Variants in LOXHD1 observed in about 807,000 individuals in gnomAD.
LOXHD1 encodes the protein lipoxygenase homology PLAT domains 1, also known as lipoxygenase homology domain-containing protein 1.
LOXHD1 carries 205 observed loss-of-function variants against 248.2 expected under a neutral mutation model. That is an observed-to-expected ratio of 0.83 (90% CI 0.74 to 0.93). LOXHD1 has a LOEUF of 0.93. Among genes scored for constraint, LOXHD1 ranks in the 40% least tolerant of loss-of-function variants. The pLI, the probability that LOXHD1 is intolerant of heterozygous loss-of-function variation, is 0.00. For synonymous variants in LOXHD1, 1,113 were observed against 1,162.8 expected (o/e 0.96, Z 0.87); for missense variants, 2,930 against 2,971.6 (o/e 0.99, Z 0.33).
At chr18:46,478,072 T>G in intron 40 of LOXHD1, 120 bp from the exon 41 acceptor site, 1 of 1,325,236 alleles carries the variant, frequency 7.5e-7, no homozygotes, top group Non-Finnish European at 1.0e-6. Context: ...GATGGGATAT[T>G]GGAGCTGGAA....
rs1368142754 is a variant in LOXHD1, at chr18:46,489,927, T to C, written c.5879-785A>G. Among the ~76,000 whole-genome samples, 3 of 152,364 alleles carry C rather than the reference T, an allele frequency of 2.0e-5. No homozygotes were observed. In the East Asian group the frequency reaches 5.8e-4, roughly 29 times the overall value. ...AATCATAGAAGAAATCCAAAGCTGC[T>C]ATTTCTTTTGGGTATGTTGCTAATA... On this transcript the variant is annotated intron_variant, in intron 37 of 40. Transcript: ENST00000642948.
chr18:46,653,497 A>G (rs371246179), intron 1 of LOXHD1, among the ~76,000 whole-genome samples: 19 of 152,374 alleles, frequency 1.2e-4, no homozygotes, highest in Non-Finnish European at 1.5e-4. Flanking sequence ...CTGAAGAACT[A>G]TCTTGTAGAA....
intron 6 of LOXHD1, among the ~76,000 whole-genome samples, chr18:46,609,283 A>G (rs1299137533): frequency 6.6e-6 from 1 of 152,204 alleles, no homozygotes; most frequent in Non-Finnish European, 1.5e-5. Context: ...ACCAGCCCTG[A>G]GCTGACCACA....
intron 20 of LOXHD1, chr18:46,559,241 T>A: frequency 6.6e-7 from 1 of 1,510,858 alleles, no homozygotes; most frequent in South Asian, 1.2e-5. Context: ...CCATGGGCTC[T>A]AGGTGCTGGG....
At chr18:46,605,395 C>T (rs915994043) in intron 6 of LOXHD1, among the ~76,000 whole-genome samples, 22 of 135,632 alleles carry the variant, frequency 1.6e-4, no homozygotes, top group Non-Finnish European at 2.7e-4. Flanking sequence ...GGCGTGGTGG[C>T]GGGCACCTAT....
At position 46,557,535 on chromosome 18, in the gene LOXHD1, C is replaced by T. The variant is rs775114940; in HGVS notation, c.3217-46G>A. ...CTCAGTGGGGTAAGACCTACCCCTC[C>T]CCACATGGCCATCAGCCCCATCCTC... On this transcript the variant is annotated intron_variant, in intron 20 of 40. Coordinates refer to ENST00000642948, the MANE Select transcript of LOXHD1 (RefSeq NM_001384474.1). 55 of 1,549,080 alleles carry T rather than the reference C, an allele frequency of 3.6e-5. No homozygotes were observed. The Middle Eastern group carries it at 1.0e-3, about 29-fold the overall frequency.
chr18:46,538,905 C>A (rs1568157428), intron 25 of LOXHD1, among the ~76,000 whole-genome samples: 1 of 152,198 alleles, frequency 6.6e-6, no homozygotes, highest in Non-Finnish European at 1.5e-5. Flanking sequence ...CCAACCCATC[C>A]ACCTCACACC....
intron 37 of LOXHD1, among the ~76,000 whole-genome samples, chr18:46,499,101 T>C (rs2034061361): frequency 6.6e-6 from 1 of 152,204 alleles, no homozygotes; most frequent in Non-Finnish European, 1.5e-5. Context: ...GGCATATAAA[T>C]GTGAATCAAA....
At position 46,566,348 on chromosome 18, in the gene LOXHD1, G is replaced by A. The variant is rs547033802; in HGVS notation, c.2346C>T (p.Thr782=). ...IRVPRQGKQY[T]FPANRWLDKN... Reference sequence around the variant, plus strand: ...TGTCCAGCCAGCGGTTGGCGGGAAAGGTGTACTGCTTGCCTTGACGGGGCA... The same window carrying A: ...TGTCCAGCCAGCGGTTGGCGGGAAAAGTGTACTGCTTGCCTTGACGGGGCA... Residue 782 remains threonine, a synonymous_variant, in exon 17 of 41, where the codon ACC becomes ACT. Transcript: ENST00000642948. The A allele has an allele frequency of 1.0e-5, 16 of 1,551,832 alleles. No homozygotes were observed. The highest frequency in any genetic ancestry group is 1.3e-5 in the Non-Finnish European group (15 of 1,147,030).
intron 2 of LOXHD1, among the ~76,000 whole-genome samples, chr18:46,643,291 A>C (rs971931736): frequency 6.6e-6 from 1 of 152,220 alleles, no homozygotes; most frequent in South Asian, 2.1e-4. Flanking sequence ...GCTGGAGTGA[A>C]AGGGGTGACA....
At chr18:46,569,771 G>T (rs1280730375) in intron 15 of LOXHD1, 133 bp from the exon 16 acceptor site, 77 of 705,460 alleles carry the variant, frequency 1.1e-4, no homozygotes, top group Non-Finnish European at 2.5e-5. Flanking sequence ...TGAAAATCCA[G>T]GCTCCTGTTC....
Position 46,572,177 on chromosome 18 carries a change from G to A in LOXHD1, c.1971-15C>T. On this transcript the variant is annotated splice_polypyrimidine_tract_variant and intron_variant, in intron 14 of 40. Transcript: ENST00000642948. ...TGTCCAACCACCTGGTGGGCAAATG[G>A]GGGAATGTTAGCTCTTTGGGTGGAG... The A allele has an allele frequency of 3.2e-6, 5 of 1,551,278 alleles. No homozygotes were observed. The highest frequency in any genetic ancestry group is 4.4e-6 in the Non-Finnish European group (5 of 1,146,542).
chr18:46,549,942 G>A (rs946589315), intron 21 of LOXHD1, among the ~76,000 whole-genome samples: 2 of 152,114 alleles, frequency 1.3e-5, no homozygotes, highest in Non-Finnish European at 2.9e-5. Flanking sequence ...TTTGGCATTT[G>A]CCTCTTTGTC....
In LOXHD1 at chr18:46,549,079, G is replaced by A. The variant is rs561803421; in HGVS notation, c.3351-2021C>T. ...CACACATGAAGATTTAGGACACCAGGCCTACTGACCCCTGCCTCTTCCTCC... is the reference window on the plus strand; with the variant it reads ...CACACATGAAGATTTAGGACACCAGACCTACTGACCCCTGCCTCTTCCTCC... On this transcript the variant is annotated intron_variant, in intron 21 of 40. Transcript: ENST00000642948. Among the ~76,000 whole-genome samples, 6 of 152,292 alleles carry A rather than the reference G, an allele frequency of 3.9e-5. No individual in the cohort carries two copies. The East Asian group carries it at 1.2e-3, about 29-fold the overall frequency.
intron 15 of LOXHD1, among the ~76,000 whole-genome samples, chr18:46,571,445 C>T (rs530294218): frequency 1.3e-5 from 2 of 152,198 alleles, no homozygotes; most frequent in African/African-American, 2.4e-5. Context: ...ACTCCAGCCT[C>T]GTTGACAGAG....
At position 46,656,773 on chromosome 18, in the gene LOXHD1, CA is replaced by C. The variant is rs1263847248; in HGVS notation, c.130+130del. On this transcript the variant is annotated intron_variant, in intron 1 of 40. Coordinates refer to ENST00000642948, the MANE Select transcript of LOXHD1 (RefSeq NM_001384474.1). ...CTTCTTACTCCGAGGGGATATGGAA[CA>C]GACACATGGGATAATCAGTGAGGAA... is the stretch of plus-strand genomic sequence containing the variant. 1.5e-5 allele frequency: 16 copies of C among 1,085,766 alleles called. No individual in the cohort carries two copies. In the African/African-American group the frequency reaches 2.5e-4, roughly 17 times the overall value. 67.3% of individuals were successfully genotyped at this position (1,085,766 alleles called of 1,614,324 possible).
intron 29 of LOXHD1, among the ~76,000 whole-genome samples, chr18:46,526,452 C>G (rs371003439): frequency 2.0e-5 from 3 of 152,204 alleles, no homozygotes; most frequent in African/African-American, 7.2e-5. Flanking sequence ...TTATGTATAA[C>G]AGTAATACCA....
intron 33 of LOXHD1, 95 bp from the exon 34 acceptor site, chr18:46,518,351 C>G (rs2035381187): frequency 7.1e-7 from 1 of 1,411,358 alleles, no homozygotes; most frequent in Non-Finnish European, 9.6e-7. Context: ...ACACACTGTC[C>G]AAGTTCCACA....
chr18:46,555,527 C>T (rs961788763), intron 21 of LOXHD1, among the ~76,000 whole-genome samples: 1 of 152,170 alleles, frequency 6.6e-6, no homozygotes, highest in Non-Finnish European at 1.5e-5. Flanking sequence ...ACCTCCTGCC[C>T]TGCACAGAGG....
Sources: gnomAD v4.1 joint callset for allele counts (sites outside exome capture counted in the v4.1 genomes callset) on GRCh38, gnomAD v4.1.1 for gene constraint, MANE v1.5 for transcripts, NCBI Gene and HGNC (gene_info 2026-07-23, HGNC 2026-07-21) for gene names.